The following DNAI2 variants were observed in gnomAD, a reference collection of about 807,000 sequenced individuals.
DNAI2 encodes dynein, axonemal, intermediate polypeptide 2.
A neutral mutation model predicts 74.7 loss-of-function variants in DNAI2; 63 were observed. That is an observed-to-expected ratio of 0.84 (90% CI 0.69 to 1.04). The LOEUF (loss-of-function observed/expected upper bound fraction) is 1.04, where lower values mean the gene tolerates loss of function less well. DNAI2 is among the 50% of genes least tolerant of loss of function. DNAI2 has a pLI of 0.00. For missense variants in DNAI2, 688 were observed against 803.2 expected (o/e 0.86, Z 1.73); for synonymous variants, 289 against 314.9 (o/e 0.92, Z 0.87).
chr17:74,280,496 A>G (rs1297675646), intron 1 of DNAI2, among the ~76,000 whole-genome samples: 1 of 152,188 alleles, frequency 6.6e-6, no homozygotes, highest in Non-Finnish European at 1.5e-5. Context: ...CTGTTGGGGA[A>G]GCCCCTGGCT....
chr17:74,280,359 C>T (rs1427947412), intron 1 of DNAI2, among the ~76,000 whole-genome samples: 1 of 152,202 alleles, frequency 6.6e-6, no homozygotes, highest in Non-Finnish European at 1.5e-5. Flanking sequence ...GCCTAGGTCA[C>T]GCAGCTGGTG....
At position 74,299,766 on chromosome 17, in the gene DNAI2, T is replaced by C. The variant is rs560319154; in HGVS notation, c.773T>C (p.Ile258Thr). The C allele has an allele frequency of 2.2e-5, 36 of 1,608,230 alleles. No individual in the cohort carries two copies. The East Asian group carries it at 2.2e-4, about 10-fold the overall frequency. The change falls in exon 7 of 14, where the codon ATT becomes ACT. Residue 258 changes from isoleucine (I) to threonine (T), a missense_variant. Transcript: ENST00000311014. ...KGSLVAELST[I>T]ESSHRDPVYG... ...AGCCTGGTGGCGGAGCTATCCACCATTGAGTCCAGCCACCGAGACCCTGTG... is the reference window on the plus strand; with the variant it reads ...AGCCTGGTGGCGGAGCTATCCACCACTGAGTCCAGCCACCGAGACCCTGTG...
intron 1 of DNAI2, among the ~76,000 whole-genome samples, chr17:74,280,815 G>A (rs957797218): frequency 1.3e-5 from 2 of 152,060 alleles, no homozygotes; most frequent in African/African-American, 2.4e-5. Flanking sequence ...TACCACGTGC[G>A]ATGGCTCATA....
At chr17:74,314,041 C>T (rs1056122234) in intron 12 of DNAI2, 80 bp from the exon 13 acceptor site, 2 of 1,607,084 alleles carry the variant, frequency 1.2e-6, no homozygotes, top group Non-Finnish European at 1.7e-6. Flanking sequence ...CTTTGGTCCT[C>T]GTGGGGTTCA....
intron 2 of DNAI2, among the ~76,000 whole-genome samples, 165 bp downstream of exon 2, chr17:74,282,165 G>A (rs1031706925): frequency 1.3e-5 from 2 of 152,140 alleles, no homozygotes; most frequent in South Asian, 2.1e-4. Context: ...TGAGTTCCAC[G>A]CAGTGCTCAG....
intron 6 of DNAI2, among the ~76,000 whole-genome samples, chr17:74,295,992 A>G (rs898654724): frequency 2.0e-5 from 3 of 152,150 alleles, no homozygotes; most frequent in African/African-American, 7.2e-5. Context: ...GTGTCTGTGC[A>G]GAGATGAGGT....
chr17:74,274,727 C>T (rs1388485748), intron 1 of DNAI2, among the ~76,000 whole-genome samples: 2 of 152,150 alleles, frequency 1.3e-5, no homozygotes, highest in African/African-American at 4.8e-5. Flanking sequence ...GGAAGATGGG[C>T]CCTTTAAGAG....
intron 11 of DNAI2, among the ~76,000 whole-genome samples, chr17:74,310,389 C>T (rs936219135): frequency 5.9e-5 from 9 of 151,832 alleles, no homozygotes; most frequent in African/African-American, 2.2e-4. Flanking sequence ...ACGTCACTCT[C>T]CAGGATTCAG....
At chr17:74,296,467 C>G (rs1478441846) in intron 6 of DNAI2, among the ~76,000 whole-genome samples, 2 of 152,130 alleles carry the variant, frequency 1.3e-5, no homozygotes, top group Non-Finnish European at 1.5e-5. Flanking sequence ...TGGCCTCAAG[C>G]AGTCCTGCCT....
Position 74,281,920 on chromosome 17 carries a change from C to G in DNAI2, c.103C>G (p.Pro35Ala), listed in dbSNP as rs1297623367. The change falls in exon 2 of 14, where the codon CCT becomes GCT. Residue 35 changes from proline to alanine, a missense_variant. Pro to Ala is a conservative substitution (Grantham distance 27). Transcript: ENST00000311014. The stretch of plus-strand genomic sequence containing the variant: ...GCTGAACATCGACATCATGCCCAAC[C>G]CTGAGCTGGCCGAGCAGTTCGTGGA... Reference protein sequence around the residue: ...AELNIDIMPNPELAEQFVERN... With the variant: ...AELNIDIMPNAELAEQFVERN... 7 of 1,614,052 alleles carry G rather than the reference C, an allele frequency of 4.3e-6. No homozygotes were observed. The highest frequency in any genetic ancestry group is 4.0e-5 in the African/African-American group (3 of 74,916).
intron 6 of DNAI2, among the ~76,000 whole-genome samples, chr17:74,293,485 T>A (rs1186685862): frequency 1.3e-5 from 2 of 152,014 alleles, no homozygotes; most frequent in East Asian, 3.9e-4. Context: ...TGGTTACCAT[T>A]TGCATGGTAT....
At chr17:74,279,339 T>A (rs1033875848) in intron 1 of DNAI2, among the ~76,000 whole-genome samples, 8 of 152,034 alleles carry the variant, frequency 5.3e-5, no homozygotes, top group Non-Finnish European at 1.2e-4. Context: ...TATAACTGGA[T>A]TGTTTGTAAC....
chr17:74,290,927 G>A, intron 5 of DNAI2, 93 bp from the exon 6 acceptor site: 5 of 1,085,348 alleles, frequency 4.6e-6, no homozygotes, highest in Non-Finnish European at 7.2e-6. Context: ...CTGCCACCAT[G>A]CCCCCGCTAC....
At chr17:74,309,230 A>G (rs1485476224) in intron 9 of DNAI2, 23 bp from the exon 10 acceptor site, 1 of 1,613,684 alleles carries the variant, frequency 6.2e-7, no homozygotes, top group African/African-American at 1.3e-5. Flanking sequence ...CCCTCCAACC[A>G]TGATGTGGTC....
Position 74,314,614 on chromosome 17 carries a change from T to TCGTC in DNAI2, c.*81_*82insCGTC. ...ACCCTCAACCAGACTTGCATGGCCA[T>TCGTC]GGCAGGGCCTCGGGAAGACCTTCAG... On this transcript the variant is annotated 3_prime_UTR_variant, in exon 14 of 14. Coordinates refer to ENST00000311014, the MANE Select transcript of DNAI2 (RefSeq NM_023036.6). The TCGTC allele has an allele frequency of 4.0e-6, 1 of 247,256 alleles. No homozygotes were observed. The highest frequency in any genetic ancestry group is 8.2e-6 in the Non-Finnish European group (1 of 122,052). The allele number at this position is 247,256 out of a possible 1,614,324, so 15.3% of individuals were successfully genotyped here.
chr17:74,285,673 A>G (rs1042535325), intron 3 of DNAI2, among the ~76,000 whole-genome samples: 5 of 152,216 alleles, frequency 3.3e-5, no homozygotes, highest in African/African-American at 1.2e-4. Context: ...ATCCTGTCCC[A>G]AAGAGATTGC....
At chr17:74,298,418 C>T (rs950916560) in intron 6 of DNAI2, among the ~76,000 whole-genome samples, 9 of 152,200 alleles carry the variant, frequency 5.9e-5, no homozygotes, top group Non-Finnish European at 1.2e-4. Flanking sequence ...GATTCTCATG[C>T]CTCAGCCTCC....
At chr17:74,310,236 A>G in intron 11 of DNAI2, 73 bp downstream of exon 11, 1 of 1,554,624 alleles carries the variant, frequency 6.4e-7, no homozygotes, top group Non-Finnish European at 8.7e-7. Flanking sequence ...CAGGCTAGTC[A>G]GACAAATAGA....
Position 74,314,113 on chromosome 17 carries a change from C to T in DNAI2, c.1723-8C>T. On this transcript the variant is annotated splice_polypyrimidine_tract_variant and splice_region_variant and intron_variant, in intron 12 of 13. Transcript: ENST00000311014. ...ACACCAACACTTCTGTGCTGTCTTC[C>T]CCTGCAGCAGCAACCAAGTCCAGAA... is the stretch of plus-strand genomic sequence containing the variant. 6.2e-7 allele frequency: 1 copy of T among 1,613,674 alleles called. No homozygotes were observed. The highest frequency in any genetic ancestry group is 8.5e-7 in the Non-Finnish European group (1 of 1,179,728).
Sources: gnomAD v4.1 joint callset for allele counts (sites outside exome capture counted in the v4.1 genomes callset) on GRCh38, gnomAD v4.1.1 for gene constraint, MANE v1.5 for transcripts, NCBI Gene and HGNC (gene_info 2026-07-23, HGNC 2026-07-21) for gene names.